Variants in KIDINS220 observed in about 807,000 individuals in gnomAD.
KIDINS220 encodes kinase D-interacting substrate of 220 kDa.
A neutral mutation model predicts 157.6 loss-of-function variants in KIDINS220; 63 were observed. The observed-to-expected ratio is 0.40, with a 90% CI of 0.33 to 0.49. The LOEUF is 0.49. Among genes scored for constraint, KIDINS220 ranks in the 20% least tolerant of loss-of-function variants. The pLI is 0.66. For synonymous variants in KIDINS220, 732 were observed against 783.6 expected (o/e 0.93, Z 1.10); for missense variants, 1,772 against 2,171.2 (o/e 0.82, Z 3.65).
intron 11 of KIDINS220, among the ~76,000 whole-genome samples, chr2:8,794,601 C>T (rs997637021): frequency 6.6e-6 from 1 of 152,120 alleles, no homozygotes; most frequent in African/African-American, 2.4e-5. Context: ...TTCCACTCTC[C>T]TCACCTTTCA....
intron 4 of KIDINS220, among the ~76,000 whole-genome samples, chr2:8,814,380 T>C (rs1001782274): frequency 6.6e-6 from 1 of 152,186 alleles, no homozygotes; most frequent in Non-Finnish European, 1.5e-5. Context: ...GTAATATTAG[T>C]ACTGGGCTAT....
Position 8,817,681 on chromosome 2 carries a change from T to C in KIDINS220, c.243A>G (p.Glu81=). 1 of 1,607,678 alleles carries C rather than the reference T, an allele frequency of 6.2e-7. No homozygotes were observed. Among genetic ancestry groups the C allele is most frequent in the Non-Finnish European group, 8.5e-7 (1 of 1,176,480 alleles). The change falls in exon 4 of 30, where the codon GAA becomes GAG. Residue 81 remains glutamate (E), a synonymous_variant. Coordinates refer to ENST00000256707, the MANE Select transcript of KIDINS220 (RefSeq NM_020738.4). ...GTTCCTCTACGATGTGCACATGCCCTTCTTTCGATGCAGATATAAGTGCTG... is the reference window on the plus strand; with the variant it reads ...GTTCCTCTACGATGTGCACATGCCCCTCTTTCGATGCAGATATAAGTGCTG... ...NWTALISASK[E]GHVHIVEELL... is the part of the protein sequence containing the mutation.
At position 8,806,312 on chromosome 2, in the gene KIDINS220, G is replaced by A. The variant is rs141082870; in HGVS notation, c.562C>T (p.His188Tyr). The A allele has an allele frequency of 6.2e-7, 1 of 1,611,082 alleles. No homozygotes were observed. Among genetic ancestry groups the A allele is most frequent in the African/African-American group, 1.3e-5 (1 of 74,968 alleles). ...ARKGHLECVK[H>Y]LLAMGADVDQ... Reference sequence around the variant, plus strand: ...ACATCAGCTCCCATGGCCAATAAATGTTTCACACATTCCAAATGACCCTTT... The same window carrying A: ...ACATCAGCTCCCATGGCCAATAAATATTTCACACATTCCAAATGACCCTTT... Residue 188 changes from histidine to tyrosine, a missense_variant, in exon 7 of 30, where the codon CAT (histidine) becomes TAT (tyrosine). By Grantham distance (83) the His-to-Tyr change is moderately conservative. Around this residue, in one of 3 missense-constraint regions of KIDINS220, gnomAD observed 254 missense variants for 268.6 expected, o/e 0.95. Transcript: ENST00000256707.
intron 22 of KIDINS220, among the ~76,000 whole-genome samples, chr2:8,766,074 A>T (rs1669446779): frequency 6.6e-6 from 1 of 152,052 alleles, no homozygotes. Context: ...GGTAATGGCC[A>T]CACATTTTTC....
At chr2:8,777,882 A>AT (rs1671183973) in intron 20 of KIDINS220, among the ~76,000 whole-genome samples, 1 of 152,230 alleles carries the variant, frequency 6.6e-6, no homozygotes, top group African/African-American at 2.4e-5. Flanking sequence ...GTCATTCATC[A>AT]TATTAACTTT....
chr2:8,757,633 A>C (rs1196937784), intron 22 of KIDINS220: 4 of 1,608,490 alleles, frequency 2.5e-6, no homozygotes, highest in Non-Finnish European at 3.4e-6. Flanking sequence ...ACCCAAGTGA[A>C]TGTGCATCTC....
chr2:8,812,492 T>C lies in KIDINS220; in HGVS notation c.407A>G (p.Tyr136Cys). 1 of 1,572,132 alleles carries C rather than the reference T, an allele frequency of 6.4e-7. No homozygotes were observed. Among genetic ancestry groups the C allele is most frequent in the Non-Finnish European group, 8.6e-7 (1 of 1,158,026 alleles). ...TGCCCAAATGATTGGGTAAACACTG[T>C]ACTGCTAGGATAGATTGGTTGGTAG... ...HGANPSVTGL[Y>C]SVYPIIWAAG... Residue 136 changes from tyrosine to cysteine, a missense_variant and splice_region_variant, in exon 6 of 30, where the codon TAC becomes TGC. By Grantham distance (194) the Tyr-to-Cys change is radical (BLOSUM62 -2). Transcript: ENST00000256707.
At position 8,778,652 on chromosome 2, in the gene KIDINS220, G is replaced by T; in HGVS notation, c.2690C>A (p.Ala897Asp). 3.7e-6 allele frequency: 6 copies of T among 1,612,546 alleles called. No individual in the cohort carries two copies. The highest frequency in any genetic ancestry group is 5.1e-6 in the Non-Finnish European group (6 of 1,178,620). The change falls in exon 20 of 30, where the codon GCC becomes GAC. Residue 897 changes from alanine (A) to aspartate (D), a missense_variant. By Grantham distance (126) the Ala-to-Asp change is moderately radical. Transcript: ENST00000256707. Reference protein sequence around the residue: ...GEMTKLGSKTALNRRDTYRRR... With the variant: ...GEMTKLGSKTDLNRRDTYRRR... ...ATGGCATCTTACCCGTCTATTGAGG[G>T]CTGTCTTGCTACCAAGTTTTGTCAT...
At position 8,729,664 on chromosome 2, in the gene KIDINS220, C is replaced by G; in HGVS notation, c.*1056G>C. On this transcript the variant is annotated 3_prime_UTR_variant, in exon 30 of 30. Coordinates refer to ENST00000256707, the MANE Select transcript of KIDINS220 (RefSeq NM_020738.4). ...AAAAAGTATTTCCTTTCTTATGATCCTTCCCCAGAACTAACATGCTGACTT... is the reference window on the plus strand; with the variant it reads ...AAAAAGTATTTCCTTTCTTATGATCGTTCCCCAGAACTAACATGCTGACTT... The G allele has an allele frequency of 1.0e-6, 1 of 984,348 alleles. No homozygotes were observed. The highest frequency in any genetic ancestry group is 1.2e-6 in the Non-Finnish European group (1 of 829,184). 61.0% of individuals were successfully genotyped at this position (984,348 alleles called of 1,614,324 possible). A position where few individuals can be genotyped will look rare whatever the true frequency, so the allele number is the denominator to read the frequency against.
Position 8,750,155 on chromosome 2 carries a change from TAGCTGCTGTGAGG to T in KIDINS220, c.3358_3370del (p.Pro1120IlefsTer5). 4.3e-6 allele frequency: 7 copies of T among 1,614,172 alleles called. No individual in the cohort carries two copies. Among genetic ancestry groups the T allele is most frequent in the Non-Finnish European group, 5.9e-6 (7 of 1,180,018 alleles). On this transcript the variant is annotated frameshift_variant, in exon 24 of 30. Transcript: ENST00000256707. LOFTEE classifies it high-confidence loss of function. ...CTGAGGGCCCGTCATGCCGCTGTAATAGCTGCTGTGAGGCTGTGGTGACACCACTCCACCTGCG... is the reference window on the plus strand; with the variant it reads ...CTGAGGGCCCGTCATGCCGCTGTAATCTGTGGTGACACCACTCCACCTGCG...
chr2:8,813,350 T>G lies in KIDINS220; in HGVS notation c.307-15A>C, dbSNP rs186340508. ...GTCCATCCTCCCTAAACAAAAAATG[T>G]AGGGGTAAGGGAATCAAACTTTAAA... On this transcript the variant is annotated splice_polypyrimidine_tract_variant and intron_variant, in intron 4 of 29. Coordinates refer to ENST00000256707, the MANE Select transcript of KIDINS220 (RefSeq NM_020738.4). The G allele has an allele frequency of 6.4e-7, 1 of 1,572,672 alleles. No individual in the cohort carries two copies. The highest frequency in any genetic ancestry group is 2.2e-5 in the East Asian group (1 of 44,464).
At chr2:8,817,585 C>A in intron 4 of KIDINS220, 33 bp downstream of exon 4, 1 of 1,147,074 alleles carries the variant, frequency 8.7e-7, no homozygotes, top group Admixed American at 2.1e-5. Context: ...AATAAGATTT[C>A]AGCTAATTAA....
rs147869666 is a variant in KIDINS220, at chr2:8,749,796, G to T, written c.3414+316C>A. On this transcript the variant is annotated intron_variant, in intron 24 of 29. Coordinates refer to ENST00000256707, the MANE Select transcript of KIDINS220 (RefSeq NM_020738.4). ...ACAAGATATAACAAATAGAACATTT[G>T]TTTATAAACAAACAAAAAACAGATT... 5.9e-5 allele frequency among the ~76,000 whole-genome samples: 9 copies of T among 152,014 alleles called. No individual in the cohort carries two copies. The East Asian group carries it at 1.7e-3, about 29-fold the overall frequency.
intron 21 of KIDINS220, among the ~76,000 whole-genome samples, chr2:8,772,354 C>A (rs1168972992): frequency 1.3e-5 from 2 of 151,856 alleles, no homozygotes; most frequent in Non-Finnish European, 2.9e-5. Flanking sequence ...CAGGCACCTG[C>A]AGTCCCAGCT....
downstream of KIDINS220, chr2:8,723,674 A>T (rs376785187): frequency 6.6e-6 from 1 of 152,212 alleles, no homozygotes; most frequent in African/African-American, 2.4e-5. Context: ...TTGCTAAAAG[A>T]ATGGTTGAAG....
At chr2:8,790,095 T>C in intron 13 of KIDINS220, 36 bp from the exon 14 acceptor site, 1 of 1,554,976 alleles carries the variant, frequency 6.4e-7, no homozygotes, top group East Asian at 2.3e-5. Context: ...TTATTCCTGT[T>C]TTGTTTAAGA....
At chr2:8,794,876 T>C (rs898074252) in intron 11 of KIDINS220, among the ~76,000 whole-genome samples, 3 of 152,162 alleles carry the variant, frequency 2.0e-5, no homozygotes, top group African/African-American at 4.8e-5. Context: ...ACTTTTCATC[T>C]TCTAGACTCT....
intron 21 of KIDINS220, among the ~76,000 whole-genome samples, chr2:8,772,659 T>G (rs1670391938): frequency 6.6e-6 from 1 of 152,186 alleles, no homozygotes. Flanking sequence ...AGATAATTTT[T>G]TAATCTTATC....
chr2:8,832,577 C>T (rs1398893675), intron 1 of KIDINS220, among the ~76,000 whole-genome samples: 4 of 152,246 alleles, frequency 2.6e-5, no homozygotes, highest in South Asian at 2.1e-4. Context: ...CTGTAAAATT[C>T]GTTATCTTAC....
Sources: gnomAD v4.1 joint callset for allele counts (sites outside exome capture counted in the v4.1 genomes callset) on GRCh38, gnomAD v4.1.1 for gene constraint, gnomAD v4.1.1 regional missense constraint, MANE v1.5 for transcripts, NCBI Gene and HGNC (gene_info 2026-07-23, HGNC 2026-07-21) for gene names.